DENND4C: variants seen among roughly 807,000 people sequenced by gnomAD.
The protein encoded by DENND4C is DENN domain containing 4C, also known as DENN domain-containing protein 4C.
Under a neutral mutation model 203.0 loss-of-function variants are expected in DENND4C, and 108 were observed. The observed-to-expected ratio is 0.53, with a 90% CI of 0.46 to 0.62. The LOEUF (loss-of-function observed/expected upper bound fraction) is 0.62, where lower values mean the gene tolerates loss of function less well. Among genes scored for constraint, DENND4C ranks in the 20% least tolerant of loss-of-function variants. The pLI is 0.00. For missense variants in DENND4C, 2,481 were observed against 2,301.2 expected, an observed-to-expected ratio of 1.08 and a Z score of -1.60; for synonymous variants, 871 against 792.4, an observed-to-expected ratio of 1.10 and a Z score of -1.67.
Position 19,312,872 on chromosome 9 carries a change from T to A in DENND4C, c.1488-3545T>A, listed in dbSNP as rs1386125131. Among the ~76,000 whole-genome samples the A allele has an allele frequency of 3.3e-5, 5 of 152,358 alleles. No homozygotes were observed. In the South Asian group the frequency reaches 6.2e-4, roughly 19 times the overall value. On this transcript the variant is annotated intron_variant, in intron 10 of 32. Coordinates refer to ENST00000434457, the MANE Select transcript of DENND4C (RefSeq NM_001330640.2). ...CTTCTCATTAATACGTTATGTTAGATATATTATGTTTGGTATATCTTTTCC... is the reference window on the plus strand; with the variant it reads ...CTTCTCATTAATACGTTATGTTAGAAATATTATGTTTGGTATATCTTTTCC...
chr9:19,298,238 C>T (rs1837854075), intron 7 of DENND4C, 116 bp downstream of exon 7: 2 of 838,992 alleles, frequency 2.4e-6, no homozygotes, highest in Non-Finnish European at 3.7e-6. Context: ...TCATAAAGTC[C>T]TTGGATTTTC....
chr9:19,243,415 C>G (rs1033910566), intron 1 of DENND4C, among the ~76,000 whole-genome samples: 7 of 152,100 alleles, frequency 4.6e-5, no homozygotes, highest in Non-Finnish European at 1.0e-4. Flanking sequence ...CAGTGGTGTT[C>G]GGCACATTCA....
chr9:19,296,211 T>G lies in DENND4C; in HGVS notation c.1005T>G (p.Leu335=). Residue 335 remains leucine (L), a synonymous_variant, in exon 6 of 33, where the codon CTT becomes CTG. Coordinates refer to ENST00000434457, the MANE Select transcript of DENND4C (RefSeq NM_001330640.2). ...AATTTCTTATGTTTATCTACAAACT[T>G]TCTGTGTCTGGACCACATCCTCTTC... ...FRKFLMFIYK[L]SVSGPHPLPI... is the part of the protein sequence containing the mutation. 19 of 1,613,454 alleles carry G rather than the reference T, an allele frequency of 1.2e-5. No individual in the cohort carries two copies. Among genetic ancestry groups the G allele is most frequent in the East Asian group, 2.2e-5 (1 of 44,866 alleles).
intron 12 of DENND4C, among the ~76,000 whole-genome samples, chr9:19,320,375 T>C (rs1464552006): frequency 6.6e-6 from 1 of 152,000 alleles, no homozygotes; most frequent in Non-Finnish European, 1.5e-5. Context: ...ATTTTTGTAT[T>C]TTAAGTGGAG....
intron 1 of DENND4C, among the ~76,000 whole-genome samples, chr9:19,251,585 G>C (rs981984411): frequency 1.3e-5 from 2 of 152,132 alleles, no homozygotes; most frequent in Non-Finnish European, 2.9e-5. Flanking sequence ...CAAATTTTCT[G>C]AACTTTTATG....
intron 22 of DENND4C, 151 bp from the exon 23 acceptor site, chr9:19,345,770 C>T (rs566482732): frequency 2.7e-6 from 2 of 736,928 alleles, no homozygotes; most frequent in East Asian, 3.0e-5. Flanking sequence ...TTCCAGTGCA[C>T]TTTTTTTTAT....
chr9:19,362,049 G>A (rs988879430), intron 30 of DENND4C, 86 bp downstream of exon 30: 8 of 738,246 alleles, frequency 1.1e-5, no homozygotes, highest in East Asian at 8.7e-5. Flanking sequence ...CTAGGCTGGC[G>A]GACCACTTGA....
chr9:19,301,401 A>G (rs1288653577), intron 9 of DENND4C, among the ~76,000 whole-genome samples: 2 of 152,212 alleles, frequency 1.3e-5, no homozygotes, highest in Non-Finnish European at 2.9e-5. Flanking sequence ...CACTTGTTAC[A>G]GTTGCCTAGC....
intron 1 of DENND4C, among the ~76,000 whole-genome samples, chr9:19,255,012 G>A (rs890690677): frequency 6.6e-6 from 1 of 151,966 alleles, no homozygotes; most frequent in East Asian, 1.9e-4. Context: ...GGTGGAGGGG[G>A]GGCCGCCTGT....
At chr9:19,277,644 TTG>T (rs61179570) in intron 2 of DENND4C, among the ~76,000 whole-genome samples, 28 of 149,808 alleles carry the variant, frequency 1.9e-4, no homozygotes, top group East Asian at 7.8e-4. Context: ...TTTGGATGCT[TTG>T]TGTGTGTGTG....
intron 2 of DENND4C, among the ~76,000 whole-genome samples, chr9:19,277,390 C>G (rs890280834): frequency 3.3e-5 from 5 of 151,952 alleles, no homozygotes; most frequent in Non-Finnish European, 5.9e-5. Flanking sequence ...TTTTTTAAAT[C>G]TGATTAATTT....
chr9:19,258,621 G>A (rs147971374), intron 1 of DENND4C, among the ~76,000 whole-genome samples: 108 of 151,906 alleles, frequency 7.1e-4, no homozygotes, highest in African/African-American at 2.5e-3. Flanking sequence ...AAAAGTGCTT[G>A]ATAAATTCTA....
chr9:19,341,113 A>G lies in DENND4C; in HGVS notation c.3003A>G (p.Glu1001=), dbSNP rs778861460. Residue 1001 remains glutamate, a splice_region_variant and synonymous_variant, in exon 21 of 33, where the codon GAA becomes GAG. Coordinates refer to ENST00000434457, the MANE Select transcript of DENND4C (RefSeq NM_001330640.2). ...ELITKTKMQT[E]EVCDASAIVA... Reference sequence around the variant, plus strand: ...TAACTAAAACAAAAATGCAAACAGAAGGTTAAGTACTGATATTTACGAACT... The same window carrying G: ...TAACTAAAACAAAAATGCAAACAGAGGGTTAAGTACTGATATTTACGAACT... 8.1e-6 allele frequency: 13 copies of G among 1,609,942 alleles called. No homozygotes were observed. Among genetic ancestry groups the G allele is most frequent in the East Asian group, 2.2e-5 (1 of 44,746 alleles).
At position 19,373,427 on chromosome 9, in the gene DENND4C, TAC is replaced by T. The variant is rs1472575541; in HGVS notation, c.*1256_*1257del. On this transcript the variant is annotated 3_prime_UTR_variant, in exon 33 of 33. Transcript: ENST00000434457. Reference sequence around the variant, plus strand: ...AACATGAAATCTTTTTTCAGGCACATACATTGTTGGTATTGATGACTTTTTAA... The same window carrying T: ...AACATGAAATCTTTTTTCAGGCACATATTGTTGGTATTGATGACTTTTTAA... The T allele has an allele frequency of 6.6e-6, 1 of 152,658 alleles. No individual in the cohort carries two copies. Among genetic ancestry groups the T allele is most frequent in the Non-Finnish European group, 1.5e-5 (1 of 68,040 alleles). 9.5% of individuals were successfully genotyped at this position (152,658 alleles called of 1,614,324 possible).
chr9:19,247,180 C>T (rs926535650), intron 1 of DENND4C, among the ~76,000 whole-genome samples: 7 of 152,176 alleles, frequency 4.6e-5, no homozygotes, highest in Admixed American at 1.3e-4. Context: ...AGCTCCTTCT[C>T]GGTCTTATTT....
chr9:19,246,821 A>G (rs964576706), intron 1 of DENND4C, among the ~76,000 whole-genome samples: 30 of 152,130 alleles, frequency 2.0e-4, no homozygotes, highest in African/African-American at 5.3e-4. Context: ...TGAACATGCT[A>G]TAACTCTTAA....
At position 19,346,795 on chromosome 9, in the gene DENND4C, T is replaced by G; in HGVS notation, c.4026T>G (p.Ser1342Arg). The change falls in exon 23 of 33, where the codon AGT (serine) becomes AGG (arginine). Residue 1342 changes from serine to arginine, a missense_variant. Ser to Arg is a moderately radical substitution (Grantham distance 110). Transcript: ENST00000434457. ...CACCAGCACAGGAAAATCCTGAAAG[T>G]GAAAAGAGCTCACCTGCAGTGTCCA... ...HGSPAQENPE[S>R]EKSSPAVSRS... 1 of 1,614,130 alleles carries G rather than the reference T, an allele frequency of 6.2e-7. No homozygotes were observed. Among genetic ancestry groups the G allele is most frequent in the Non-Finnish European group, 8.5e-7 (1 of 1,180,022 alleles).
At chr9:19,250,965 T>A (rs969011205) in intron 1 of DENND4C, among the ~76,000 whole-genome samples, 9 of 152,148 alleles carry the variant, frequency 5.9e-5, no homozygotes, top group Non-Finnish European at 1.0e-4. Context: ...TGTGGGAGGA[T>A]CTACTATTCT....
chr9:19,362,429 A>G (rs772530418), intron 30 of DENND4C, among the ~76,000 whole-genome samples: 1 of 152,210 alleles, frequency 6.6e-6, no homozygotes, highest in East Asian at 1.9e-4. Flanking sequence ...ACTGCTGGGA[A>G]GAAAAAAAAG....
Sources: gnomAD v4.1 joint callset for allele counts (sites outside exome capture counted in the v4.1 genomes callset) on GRCh38, gnomAD v4.1.1 for gene constraint, MANE v1.5 for transcripts, NCBI Gene and HGNC (gene_info 2026-07-23, HGNC 2026-07-21) for gene names.